The following RXRA variants were observed in gnomAD, a reference collection of about 807,000 sequenced individuals.
RXRA encodes retinoic acid receptor RXR-alpha.
Under a neutral mutation model 44.5 loss-of-function variants are expected in RXRA, and 5 were observed. That is an observed-to-expected ratio of 0.11 (90% CI 0.06 to 0.24). The LOEUF is 0.24. RXRA is among the 10% of genes least tolerant of loss of function. RXRA has a pLI of 1.00. For missense variants in RXRA, 412 were observed against 646.5 expected (o/e 0.64, Z 3.93); for synonymous variants, 291 against 271.4 (o/e 1.07, Z -0.71).
At chr9:134,356,371 A>G (rs947084850) in intron 1 of RXRA, among the ~76,000 whole-genome samples, 5 of 152,050 alleles carry the variant, frequency 3.3e-5, no homozygotes, top group Admixed American at 6.5e-5. Flanking sequence ...AGGGGGAGCC[A>G]TTGTTTAGCT....
At chr9:134,356,009 A>G (rs1830279183) in intron 1 of RXRA, among the ~76,000 whole-genome samples, 1 of 151,872 alleles carries the variant, frequency 6.6e-6, no homozygotes, top group Non-Finnish European at 1.5e-5. Flanking sequence ...CCAGACTGCC[A>G]AGAGTAGCGG....
intron 1 of RXRA, among the ~76,000 whole-genome samples, chr9:134,379,128 C>T (rs2119097429): frequency 6.6e-6 from 1 of 152,312 alleles, no homozygotes; most frequent in African/African-American, 2.4e-5. Flanking sequence ...CTCCTCCAGC[C>T]TTATAGCTCC....
chr9:134,399,317 C>A (rs1302547616), intron 1 of RXRA, among the ~76,000 whole-genome samples: 1 of 152,216 alleles, frequency 6.6e-6, no homozygotes. Context: ...TCATCACACA[C>A]CTTCTCTATG....
chr9:134,418,285 G>A (rs1396897946), intron 5 of RXRA, among the ~76,000 whole-genome samples: 7 of 152,182 alleles, frequency 4.6e-5, no homozygotes, highest in African/African-American at 1.2e-4. Flanking sequence ...GTTCAGGACT[G>A]TGCAGTAAGC....
chr9:134,381,470 C>T (rs1348495543), intron 1 of RXRA, among the ~76,000 whole-genome samples: 1 of 151,978 alleles, frequency 6.6e-6, no homozygotes, highest in Non-Finnish European at 1.5e-5. Flanking sequence ...GGAGGTGTCC[C>T]TGGTAGGAAG....
rs371144015 is a variant in RXRA, at chr9:134,417,463, G to T, written c.780+136G>T. 1.1e-5 allele frequency: 11 copies of T among 1,044,650 alleles called. No homozygotes were observed. The South Asian group carries it at 1.3e-4, about 12-fold the overall frequency. 64.7% of individuals were successfully genotyped at this position (1,044,650 alleles called of 1,614,324 possible). On this transcript the variant is annotated intron_variant, in intron 5 of 9. Coordinates refer to ENST00000481739, the MANE Select transcript of RXRA (RefSeq NM_002957.6). The surrounding 1 kb of genome is among the most constrained non-coding windows in gnomAD (Gnocchi z 6.1). ...CTGGGCCCTGTGGCTGCCTCAGCTCGGCCTCTTACCTGAGGTGACCCCGTG... is the reference window on the plus strand; with the variant it reads ...CTGGGCCCTGTGGCTGCCTCAGCTCTGCCTCTTACCTGAGGTGACCCCGTG...
chr9:134,408,099 G>A, intron 2 of RXRA, 50 bp from the exon 3 acceptor site: 1 of 1,451,652 alleles, frequency 6.9e-7, no homozygotes, highest in Non-Finnish European at 9.2e-7. Context: ...GGGGGACATA[G>A]GGACAAACCT....
At chr9:134,418,869 C>T (rs1049495451) in intron 5 of RXRA, among the ~76,000 whole-genome samples, 4 of 152,240 alleles carry the variant, frequency 2.6e-5, no homozygotes, top group Non-Finnish European at 5.9e-5. Context: ...TTGGCACTCA[C>T]ACAAGGCCGG....
chr9:134,421,867 CT>C (rs1831337544), intron 6 of RXRA, 62 bp downstream of exon 6: 2 of 1,588,878 alleles, frequency 1.3e-6, no homozygotes, highest in South Asian at 2.2e-5. Flanking sequence ...TACCAGGACA[CT>C]CCCCCCTCCC....
chr9:134,347,813 G>T (rs1247353702), intron 1 of RXRA, among the ~76,000 whole-genome samples: 1 of 152,204 alleles, frequency 6.6e-6, no homozygotes, highest in Non-Finnish European at 1.5e-5. Flanking sequence ...CTGGTGGCCA[G>T]GAGGGGGCTG....
In RXRA at chr9:134,365,226, CCT is replaced by C. The variant is rs1290448744; in HGVS notation, c.29-36405_29-36404del. 6.6e-6 allele frequency among the ~76,000 whole-genome samples: 1 copy of C among 152,240 alleles called. No homozygotes were observed. Among genetic ancestry groups the C allele is most frequent in the Non-Finnish European group, 1.5e-5 (1 of 68,040 alleles). On this transcript the variant is annotated intron_variant, in intron 1 of 9. Coordinates refer to ENST00000481739, the MANE Select transcript of RXRA (RefSeq NM_002957.6). This position sits in a 1 kb window ranked among gnomAD's most constrained non-coding sequence, Gnocchi z 4.0. ...ATCTCCCGGAGTTCTCTTGAGGGCC[CCT>C]GTCTTACGGATGAGGAGATAGAGGT...
Position 134,400,233 on chromosome 9 carries a change from C to T in RXRA, c.29-1399C>T, listed in dbSNP as rs550361224. ...GCCCAGGGCTTCCTCCCGCTCTAGC[C>T]TGGCACCCAGCGAGTGAGCCAGTGC... is the stretch of plus-strand genomic sequence containing the variant. On this transcript the variant is annotated intron_variant, in intron 1 of 9. Transcript: ENST00000481739. Among the ~76,000 whole-genome samples the T allele has an allele frequency of 2.0e-5, 3 of 152,332 alleles. No individual in the cohort carries two copies. In the South Asian group the frequency reaches 6.2e-4, roughly 32 times the overall value.
In RXRA at chr9:134,436,750, T is replaced by C; in HGVS notation, c.*136T>C. 1 of 926,514 alleles carries C rather than the reference T, an allele frequency of 1.1e-6. No individual in the cohort carries two copies. The highest frequency in any genetic ancestry group is 1.6e-6 in the Non-Finnish European group (1 of 614,178). The allele number at this position is 926,514 out of a possible 1,614,324, so 57.4% of individuals were successfully genotyped here. A position where few individuals can be genotyped will look rare whatever the true frequency, so the allele number is the denominator to read the frequency against. ...ACTTTGGGGCACAGCCTGTCACTGC[T>C]CTGCCTAAGAGATGTGTTGTCACCC... On this transcript the variant is annotated 3_prime_UTR_variant, in exon 10 of 10. Coordinates refer to ENST00000481739, the MANE Select transcript of RXRA (RefSeq NM_002957.6).
rs1831075659 is a variant in RXRA, at chr9:134,407,660, G to C, written c.280-489G>C. On this transcript the variant is annotated intron_variant, in intron 2 of 9. Coordinates refer to ENST00000481739, the MANE Select transcript of RXRA (RefSeq NM_002957.6). The surrounding 1 kb of genome is among the most constrained non-coding windows in gnomAD (Gnocchi z 4.8). ...TGCCCTGCGGTGTTGTGGGGTGTATGTGTGGTTCTTGGGGGGGTCCCCAGC... is the reference window on the plus strand; with the variant it reads ...TGCCCTGCGGTGTTGTGGGGTGTATCTGTGGTTCTTGGGGGGGTCCCCAGC... Among the ~76,000 whole-genome samples the C allele has an allele frequency of 6.6e-6, 1 of 151,910 alleles. No individual in the cohort carries two copies. The highest frequency in any genetic ancestry group is 1.5e-5 in the Non-Finnish European group (1 of 68,008).
intron 1 of RXRA, among the ~76,000 whole-genome samples, chr9:134,401,080 G>C (rs971220826): frequency 1.3e-5 from 2 of 152,222 alleles, no homozygotes; most frequent in African/African-American, 4.8e-5. Flanking sequence ...CTGGCTTCCC[G>C]CATCTGTAAA....
At chr9:134,331,171 C>G (rs1834999270) in intron 1 of RXRA, among the ~76,000 whole-genome samples, 1 of 152,198 alleles carries the variant, frequency 6.6e-6, no homozygotes, top group South Asian at 2.1e-4. Flanking sequence ...AGGGACCCTC[C>G]TCAGAGTCCC....
Position 134,408,159 on chromosome 9 carries a change from C to G in RXRA, c.290C>G (p.Pro97Arg). ...GGTTGCCCCCCCCAGCTCAGCTCAC[C>G]TATGAACCCCGTCAGCAGCAGCGAG... Reference protein sequence around the residue: ...FSTGSPQLSSPMNPVSSSEDI... With the variant: ...FSTGSPQLSSRMNPVSSSEDI... The change falls in exon 3 of 10, where the codon CCT becomes CGT. Residue 97 changes from proline to arginine, a missense_variant. Physicochemically the swap from Pro to Arg is moderately radical, Grantham distance 103 (BLOSUM62 -2). This residue lies in a region of RXRA where 156 missense variants were observed against 177.2 expected (regional missense o/e 0.88). Transcript: ENST00000481739. 6.3e-7 allele frequency: 1 copy of G among 1,577,720 alleles called. No homozygotes were observed. Among genetic ancestry groups the G allele is most frequent in the Non-Finnish European group, 8.6e-7 (1 of 1,162,406 alleles).
In RXRA at chr9:134,347,876, C is replaced by G. The variant is rs1231673533; in HGVS notation, c.28+21217C>G. On this transcript the variant is annotated intron_variant, in intron 1 of 9. Coordinates refer to ENST00000481739, the MANE Select transcript of RXRA (RefSeq NM_002957.6). ...GCCAGAGGTGCTGGGCCTGTCCTGA[C>G]AGTGGTGAGCATCCTTCAGAGGCCG... Among the ~76,000 whole-genome samples the G allele has an allele frequency of 4.6e-5, 7 of 152,092 alleles. No individual in the cohort carries two copies. The East Asian group carries it at 1.2e-3, about 25-fold the overall frequency.
intron 1 of RXRA, among the ~76,000 whole-genome samples, chr9:134,388,560 T>A (rs998726887): frequency 1.3e-5 from 2 of 152,346 alleles, no homozygotes; most frequent in Middle Eastern, 3.4e-3. Flanking sequence ...CTGCTTGTCC[T>A]CTGGGGAGTC....
Sources: gnomAD v4.1 joint callset for allele counts (sites outside exome capture counted in the v4.1 genomes callset) on GRCh38, gnomAD v4.1.1 for gene constraint, gnomAD v4.1.1 regional missense constraint, Gnocchi (gnomAD v3.1) non-coding constraint, MANE v1.5 for transcripts, NCBI Gene and HGNC (gene_info 2026-07-23, HGNC 2026-07-21) for gene names.